CDK6: variants seen among roughly 807,000 people sequenced by gnomAD.
The protein encoded by CDK6 is cyclin-dependent kinase 6.
In CDK6, 6 loss-of-function variants were observed where a neutral mutation model predicts 37.1. The ratio of observed to expected loss-of-function variants is 0.16; its 90% CI spans 0.09 to 0.32. The LOEUF is 0.32. Ranked by LOEUF, CDK6 falls within the 10% of genes least tolerant of loss-of-function variation. The probability of loss-of-function intolerance (pLI) is 1.00; values close to 1 mark genes in which losing one functional copy is unlikely to be tolerated. For missense variants in CDK6, 224 were observed against 418.9 expected, an observed-to-expected ratio of 0.53 and a Z score of 4.06; for synonymous variants, 160 against 161.3, an observed-to-expected ratio of 0.99 and a Z score of 0.06.
chr7:92,615,373 A>G (rs1050675349), intron 7 of CDK6, 87 bp from the exon 8 acceptor site: 1 of 1,107,306 alleles, frequency 9.0e-7, no homozygotes, highest in African/African-American at 1.6e-5. Flanking sequence ...ATTCACTGTC[A>G]TATGTTAAGC....
intron 2 of CDK6, among the ~76,000 whole-genome samples, chr7:92,786,237 C>T (rs1210354401): frequency 2.6e-5 from 4 of 152,148 alleles, no homozygotes; most frequent in Non-Finnish European, 5.9e-5. Flanking sequence ...TCTGCTGTGT[C>T]TTAGAAGAAA....
chr7:92,732,246 T>C (rs1252184045), intron 3 of CDK6, among the ~76,000 whole-genome samples: 1 of 152,118 alleles, frequency 6.6e-6, no homozygotes, highest in Non-Finnish European at 1.5e-5. Flanking sequence ...AGGGAGACCC[T>C]GTCTCTACAA....
At chr7:92,678,438 G>C (rs1303820857) in intron 4 of CDK6, among the ~76,000 whole-genome samples, 1 of 152,074 alleles carries the variant, frequency 6.6e-6, no homozygotes, top group Non-Finnish European at 1.5e-5. Context: ...GGAGCGGAAG[G>C]CAGGGGGGAG....
At chr7:92,792,972 A>G (rs1800319956) in intron 2 of CDK6, among the ~76,000 whole-genome samples, 1 of 152,084 alleles carries the variant, frequency 6.6e-6, no homozygotes, top group Non-Finnish European at 1.5e-5. Flanking sequence ...GAAGAAAATG[A>G]TATCATAAAA....
At chr7:92,689,130 C>T (rs1034325017) in intron 4 of CDK6, among the ~76,000 whole-genome samples, 1 of 152,136 alleles carries the variant, frequency 6.6e-6, no homozygotes, top group Non-Finnish European at 1.5e-5. Context: ...CTTGCCCTTA[C>T]AAGGCTCATA....
chr7:92,616,302 A>G (rs1795675927), intron 7 of CDK6, among the ~76,000 whole-genome samples: 1 of 152,190 alleles, frequency 6.6e-6, no homozygotes, highest in Non-Finnish European at 1.5e-5. Context: ...TCAGGTTCCA[A>G]CTGGATTAGG....
chr7:92,717,457 GAAGA>G lies in CDK6; in HGVS notation c.537+8165_537+8168del, dbSNP rs1053456376. Among the ~76,000 whole-genome samples, 34 of 147,064 alleles carry G rather than the reference GAAGA, an allele frequency of 2.3e-4. 1 individual carries two copies. The highest frequency in any genetic ancestry group is 5.3e-4 in the African/African-American group (21 of 39,834). ...AAGGAAGAAAGGAAGGGAAAGGAAA[GAAGA>G]AAGAAAGAAAAAGAAAGAAAGAAAG... On this transcript the variant is annotated intron_variant, in intron 4 of 7. Coordinates refer to ENST00000424848, the MANE Select transcript of CDK6 (RefSeq NM_001145306.2).
intron 5 of CDK6, among the ~76,000 whole-genome samples, chr7:92,646,300 G>C (rs1423236471): frequency 6.6e-6 from 1 of 152,108 alleles, no homozygotes; most frequent in Admixed American, 6.5e-5. Context: ...GCTCATGTAA[G>C]TTATAACCTC....
intron 2 of CDK6, among the ~76,000 whole-genome samples, chr7:92,831,029 T>C (rs1786571027): frequency 2.0e-5 from 3 of 152,246 alleles, no homozygotes; most frequent in Admixed American, 2.0e-4. Flanking sequence ...TGCTTTCACA[T>C]ACGCCATCTC....
chr7:92,667,819 T>A (rs1184374862), intron 5 of CDK6, among the ~76,000 whole-genome samples: 11 of 152,108 alleles, frequency 7.2e-5, no homozygotes, highest in Non-Finnish European at 1.3e-4. Flanking sequence ...CCCAAAGTGC[T>A]GGCATTACAG....
intron 4 of CDK6, among the ~76,000 whole-genome samples, chr7:92,674,488 A>G (rs1040840956): frequency 6.6e-6 from 1 of 152,272 alleles, no homozygotes; most frequent in Non-Finnish European, 1.5e-5. Context: ...TAGAAAGATA[A>G]CTGGGCAAAA....
chr7:92,750,541 A>G (rs1799165101), intron 3 of CDK6, among the ~76,000 whole-genome samples: 1 of 152,222 alleles, frequency 6.6e-6, no homozygotes, highest in Non-Finnish European at 1.5e-5. Flanking sequence ...ATTACAAGAA[A>G]GAGTAAAACG....
chr7:92,813,837 A>C (rs1800951891), intron 2 of CDK6, among the ~76,000 whole-genome samples: 1 of 152,314 alleles, frequency 6.6e-6, no homozygotes, highest in Non-Finnish European at 1.5e-5. Context: ...CCTCCCAACC[A>C]AAGTTTCTCA....
At chr7:92,725,600 T>C (rs778790413) in intron 4 of CDK6, 26 bp downstream of exon 4, 1 of 1,593,368 alleles carries the variant, frequency 6.3e-7, no homozygotes, top group East Asian at 2.2e-5. Flanking sequence ...ATAAGTTTAA[T>C]AAAAGGACAG....
chr7:92,783,009 T>A (rs974748760), intron 2 of CDK6, among the ~76,000 whole-genome samples: 3 of 152,144 alleles, frequency 2.0e-5, no homozygotes, highest in African/African-American at 7.2e-5. Flanking sequence ...TCCATTCGCA[T>A]GTCCACTGGG....
intron 3 of CDK6, among the ~76,000 whole-genome samples, chr7:92,756,256 T>G (rs1799316651): frequency 6.6e-6 from 1 of 151,854 alleles, no homozygotes; most frequent in African/African-American, 2.4e-5. Flanking sequence ...GGGGGAAAGG[T>G]GTAATGGGAA....
At chr7:92,629,664 T>C (rs1298811975) in intron 5 of CDK6, among the ~76,000 whole-genome samples, 1 of 152,188 alleles carries the variant, frequency 6.6e-6, no homozygotes, top group Non-Finnish European at 1.5e-5. Context: ...AAGAAATAGT[T>C]ACTTCTCTGA....
chr7:92,812,420 A>G (rs939227036), intron 2 of CDK6, among the ~76,000 whole-genome samples: 18 of 146,042 alleles, frequency 1.2e-4, no homozygotes, highest in African/African-American at 4.8e-4. Context: ...TTTCTCATTC[A>G]ATTTTTTTTT....
rs960951620 is a variant in CDK6 at position 92,835,082 on chromosome 7, C to G, written c.-367-1392G>C. On this transcript the variant is annotated intron_variant, in intron 1 of 7. Coordinates refer to ENST00000424848, the MANE Select transcript of CDK6 (RefSeq NM_001145306.2). The surrounding 1 kb of genome is among the most constrained non-coding windows in gnomAD (Gnocchi z 4.2). The stretch of plus-strand genomic sequence containing the variant: ...TTTGCCAGGAATTAAACAAACGGCG[C>G]GACCCCCACGATGAGCGGGTGGAGC... The G allele has an allele frequency of 6.6e-6, 1 of 152,222 alleles. No homozygotes were observed. Among genetic ancestry groups the G allele is most frequent in the Non-Finnish European group, 1.5e-5 (1 of 68,058 alleles). The allele number at this position is 152,222 out of a possible 1,614,324, so 9.4% of individuals were successfully genotyped here.
Sources: allele counts gnomAD v4.1 joint callset (sites outside exome capture counted in the v4.1 genomes callset), GRCh38; gene constraint gnomAD v4.1.1; non-coding constraint Gnocchi (gnomAD v3.1); transcripts MANE v1.5; gene names NCBI Gene and HGNC (gene_info 2026-07-23, HGNC 2026-07-21).